The following STIMATE variants were observed in gnomAD, a reference collection of about 807,000 sequenced individuals.
STIMATE encodes the protein STIM activating enhancer, also known as store-operated calcium entry regulator STIMATE.
STIMATE carries 15 observed loss-of-function variants against 36.7 expected under a neutral mutation model. The observed-to-expected ratio is 0.41, with a 90% CI of 0.27 to 0.63. STIMATE has a LOEUF of 0.63. STIMATE is among the 20% of genes least tolerant of loss of function. STIMATE has a pLI of 0.32. For synonymous variants in STIMATE, 163 were observed against 162.3 expected (o/e 1.00, Z -0.03); for missense variants, 305 against 397.3 (o/e 0.77, Z 1.98).
intron 1 of STIMATE, among the ~76,000 whole-genome samples, chr3:52,888,235 T>C (rs1701726011): frequency 6.6e-6 from 1 of 152,030 alleles, no homozygotes; most frequent in African/African-American, 2.4e-5. Flanking sequence ...ACTTGTAACA[T>C]ACAACGGGCT....
intron 1 of STIMATE, among the ~76,000 whole-genome samples, chr3:52,895,713 C>G (rs988510265): frequency 2.6e-5 from 4 of 152,174 alleles, no homozygotes; most frequent in African/African-American, 9.7e-5. Context: ...CCCTAGGGGA[C>G]AAGCCGGGCC....
chr3:52,848,136 T>C (rs1700939094), intron 4 of STIMATE: 1 of 152,518 alleles, frequency 6.6e-6, no homozygotes, highest in African/African-American at 2.4e-5. Context: ...ACAGTAGCAA[T>C]AGAAAACAAC....
chr3:52,888,293 G>T (rs1024036278), intron 1 of STIMATE, among the ~76,000 whole-genome samples: 1 of 152,138 alleles, frequency 6.6e-6, no homozygotes, highest in Non-Finnish European at 1.5e-5. Context: ...AGGGTAGCCA[G>T]GTCAGTAACA....
At chr3:52,871,948 T>C (rs1471909274) in intron 1 of STIMATE, among the ~76,000 whole-genome samples, 3 of 152,130 alleles carry the variant, frequency 2.0e-5, no homozygotes, top group Admixed American at 2.0e-4. Flanking sequence ...CTTCTCTTGA[T>C]GCGGCACCCA....
chr3:52,840,576 G>T lies in STIMATE; in HGVS notation c.803C>A (p.Ser268Tyr). ...LISADDEMEESDVEEDLRRLT... is the reference protein window; with the variant it reads ...LISADDEMEEYDVEEDLRRLT... Reference sequence around the variant, plus strand: ...TCTGCGGAGGTCCTCCTCCACGTCGGACTCCTCCATCTCATCATCCGCTGA... The same window carrying T: ...TCTGCGGAGGTCCTCCTCCACGTCGTACTCCTCCATCTCATCATCCGCTGA... Residue 268 changes from serine to tyrosine, a missense_variant, in exon 8 of 8, where the codon TCC (serine) becomes TAC (tyrosine). Ser to Tyr is a moderately radical substitution (Grantham distance 144, BLOSUM62 -2). Around this residue, in one of 3 missense-constraint regions of STIMATE, gnomAD observed 84 missense variants for 82.4 expected, o/e 1.02. Transcript: ENST00000355083. 1 of 1,613,872 alleles carries T rather than the reference G, an allele frequency of 6.2e-7. No individual in the cohort carries two copies. The highest frequency in any genetic ancestry group is 8.5e-7 in the Non-Finnish European group (1 of 1,179,936).
Position 52,886,244 on chromosome 3 carries a change from G to A in STIMATE, c.160+11047C>T, listed in dbSNP as rs535483103. Among the ~76,000 whole-genome samples the A allele has an allele frequency of 4.6e-5, 7 of 152,304 alleles. No individual in the cohort carries two copies. The East Asian group carries it at 7.7e-4, about 17-fold the overall frequency. On this transcript the variant is annotated intron_variant, in intron 1 of 7. Transcript: ENST00000355083. ...CATGCAGAGGACAGGAACGTGCAGA[G>A]GTCAGCGAAGCAGCATTGTGTGTCA...
At position 52,843,612 on chromosome 3, in the gene STIMATE, C is replaced by G. The variant is rs940088886; in HGVS notation, c.618+109G>C. The G allele has an allele frequency of 8.8e-6, 13 of 1,479,262 alleles. No homozygotes were observed. The African/African-American group carries it at 1.9e-4, about 22-fold the overall frequency. 91.6% of individuals were successfully genotyped at this position (1,479,262 alleles called of 1,614,324 possible). On this transcript the variant is annotated intron_variant, in intron 6 of 7. Transcript: ENST00000355083. The stretch of plus-strand genomic sequence containing the variant: ...GTGGGAGAGGTGGCAAATGGTCACG[C>G]AAAAAGACCTGAGGGCTACAGGTGA...
At chr3:52,859,171 T>A (rs4687677) in intron 1 of STIMATE, among the ~76,000 whole-genome samples, 131,419 of 145,696 alleles carry the variant, frequency 0.9, 60,570 homozygotes, top group East Asian at 1. Flanking sequence ...TCAAAAAAAA[T>A]AAAATAAATA....
chr3:52,876,786 G>C (rs946440141), intron 1 of STIMATE, among the ~76,000 whole-genome samples: 1 of 151,786 alleles, frequency 6.6e-6, no homozygotes, highest in Non-Finnish European at 1.5e-5. Flanking sequence ...TTATGTTATT[G>C]GGTCAGGCTT....
At chr3:52,868,024 T>C (rs1484296813) in intron 1 of STIMATE, among the ~76,000 whole-genome samples, 2 of 152,020 alleles carry the variant, frequency 1.3e-5, no homozygotes. Context: ...TCCTGAGGGG[T>C]GAGCAAATCT....
chr3:52,862,559 A>G (rs1701235870), intron 1 of STIMATE, among the ~76,000 whole-genome samples: 2 of 152,364 alleles, frequency 1.3e-5, no homozygotes, highest in South Asian at 4.1e-4. Flanking sequence ...TGGAGAGTAT[A>G]TAAAATTCAA....
At chr3:52,844,991 G>A in intron 4 of STIMATE, 50 bp from the exon 5 acceptor site, 2 of 1,594,366 alleles carry the variant, frequency 1.3e-6, no homozygotes, top group Non-Finnish European at 1.7e-6. Context: ...GCATCTGAGT[G>A]AGATGATGTC....
intron 6 of STIMATE, chr3:52,843,257 T>G: frequency 2.3e-6 from 1 of 444,204 alleles, no homozygotes; most frequent in Non-Finnish European, 4.0e-6. Context: ...TGGACACGCG[T>G]TCCAGGCCCC....
At chr3:52,896,377 C>T (rs1215237090) in intron 1 of STIMATE, among the ~76,000 whole-genome samples, 1 of 152,112 alleles carries the variant, frequency 6.6e-6, no homozygotes, top group Non-Finnish European at 1.5e-5. Context: ...AAAACGCAGT[C>T]ACAAGGGCAC....
At chr3:52,850,248 C>T (rs1171725177) in intron 3 of STIMATE, among the ~76,000 whole-genome samples, 2 of 152,118 alleles carry the variant, frequency 1.3e-5, no homozygotes, top group African/African-American at 2.4e-5. Flanking sequence ...CTGGCTAACA[C>T]GGTGAAACCT....
intron 1 of STIMATE, among the ~76,000 whole-genome samples, chr3:52,885,125 T>C (rs1035503532): frequency 2.0e-5 from 3 of 152,248 alleles, no homozygotes; most frequent in Admixed American, 6.5e-5. Flanking sequence ...TGGGTATATA[T>C]TGGTATCTCA....
intron 1 of STIMATE, among the ~76,000 whole-genome samples, chr3:52,869,656 G>A (rs1215448409): frequency 6.6e-6 from 1 of 152,226 alleles, no homozygotes; most frequent in Non-Finnish European, 1.5e-5. Context: ...GGGATACAGA[G>A]ACCTTATCTT....
At position 52,838,367 on chromosome 3, in the gene STIMATE, G is replaced by A. The variant is rs1559486894; in HGVS notation, c.*2127C>T. 2.0e-5 allele frequency: 3 copies of A among 152,348 alleles called. No homozygotes were observed. The highest frequency in any genetic ancestry group is 1.3e-4 in the Admixed American group (2 of 15,310). The allele number at this position is 152,348 out of a possible 1,614,324, so 9.4% of individuals were successfully genotyped here. A position where few individuals can be genotyped will look rare whatever the true frequency, so the allele number is the denominator to read the frequency against. On this transcript the variant is annotated 3_prime_UTR_variant, in exon 8 of 8. Coordinates refer to ENST00000355083, the MANE Select transcript of STIMATE (RefSeq NM_198563.5). ...CATGAAGCTCCAATTGTGAGCTCCA[G>A]GAAGGTGGAAGAAACAGCTGCAGGC...
At chr3:52,895,073 G>C (rs907791636) in intron 1 of STIMATE, among the ~76,000 whole-genome samples, 1 of 152,256 alleles carries the variant, frequency 6.6e-6, no homozygotes, top group East Asian at 1.9e-4. Context: ...TGAGAAGGAC[G>C]GAGGACTAAT....
Sources: gnomAD v4.1 joint callset for allele counts (sites outside exome capture counted in the v4.1 genomes callset) on GRCh38, gnomAD v4.1.1 for gene constraint, gnomAD v4.1.1 regional missense constraint, MANE v1.5 for transcripts, NCBI Gene and HGNC (gene_info 2026-07-23, HGNC 2026-07-21) for gene names.